The following DENND1A variants were observed in gnomAD, a reference collection of about 807,000 sequenced individuals.
DENND1A encodes DENN domain containing 1A, also known as DENN domain-containing protein 1A.
In DENND1A, 51 loss-of-function variants were observed where a neutral mutation model predicts 113.7. The observed-to-expected ratio is 0.45, with a 90% CI of 0.36 to 0.57. The LOEUF (loss-of-function observed/expected upper bound fraction) is 0.57, where lower values mean the gene tolerates loss of function less well. Among genes scored for constraint, DENND1A ranks in the 20% least tolerant of loss-of-function variants. The pLI, the probability that DENND1A is intolerant of heterozygous loss-of-function variation, is 0.00. For missense variants in DENND1A, 1,258 were observed against 1,395.9 expected, an observed-to-expected ratio of 0.90 and a Z score of 1.57; for synonymous variants, 565 against 570.8, an observed-to-expected ratio of 0.99 and a Z score of 0.14.
chr9:123,670,194 A>G (rs2063697764), intron 7 of DENND1A, among the ~76,000 whole-genome samples: 2 of 152,310 alleles, frequency 1.3e-5, no homozygotes, highest in South Asian at 4.2e-4. Flanking sequence ...AGGAATATCA[A>G]TTTTCTTTAG....
chr9:123,468,216 G>C (rs2049112167), intron 13 of DENND1A, among the ~76,000 whole-genome samples: 1 of 152,140 alleles, frequency 6.6e-6, no homozygotes, highest in Admixed American at 6.5e-5. Context: ...CCTCATTCTT[G>C]TCACATGTAA....
chr9:123,792,626 A>G lies in DENND1A; in HGVS notation c.93T>C (p.Pro31=). 1 of 1,613,092 alleles carries G rather than the reference A, an allele frequency of 6.2e-7. No homozygotes were observed. Residue 31 remains proline (P), a synonymous_variant, in exon 3 of 24, where the codon CCT becomes CCC. Coordinates refer to ENST00000394215, the MANE Select transcript of DENND1A (RefSeq NM_001352964.2). ...YPRTGGTLSD[P]EVQRQFPEDY... ...CCTCCGGGAATTGCCTCTGCACCTC[A>G]GGATCTGTAAATAATTGACAGATAA...
intron 8 of DENND1A, among the ~76,000 whole-genome samples, chr9:123,659,088 G>A (rs564539897): frequency 6.6e-6 from 1 of 152,284 alleles, no homozygotes; most frequent in South Asian, 2.1e-4. Context: ...ATAACAAACA[G>A]TGCCCGATCT....
At chr9:123,414,066 C>T (rs2044524233) in intron 19 of DENND1A, 3 of 992,946 alleles carry the variant, frequency 3.0e-6, no homozygotes, top group African/African-American at 3.5e-5. Flanking sequence ...TCCATTCCTG[C>T]TGGGTGGCAG....
At chr9:123,707,397 A>G (rs1177841138) in intron 5 of DENND1A, among the ~76,000 whole-genome samples, 1 of 143,296 alleles carries the variant, frequency 7.0e-6, no homozygotes, top group Non-Finnish European at 1.6e-5. Context: ...CTCCATCTCA[A>G]AAAGGAAAAA....
At chr9:123,821,677 T>C (rs1334958376) in intron 2 of DENND1A, among the ~76,000 whole-genome samples, 8 of 152,246 alleles carry the variant, frequency 5.3e-5, no homozygotes, top group Non-Finnish European at 2.9e-5. Context: ...TCTAACAGTT[T>C]CAAACAGACC....
chr9:123,382,722 G>A lies in DENND1A; in HGVS notation c.2020-97C>T, dbSNP rs531597394. On this transcript the variant is annotated intron_variant, in intron 23 of 23. Transcript: ENST00000394215. ...ACTTCTGTGTGCTGAATGTGTGCTG[G>A]GCCTAGTTGTGTGGCTGATCAGCTC... 107 of 1,325,778 alleles carry A rather than the reference G, an allele frequency of 8.1e-5. No individual in the cohort carries two copies. In the East Asian group the frequency reaches 2.6e-3, roughly 32 times the overall value. The allele number at this position is 1,325,778 out of a possible 1,614,324, so 82.1% of individuals were successfully genotyped here.
chr9:123,554,225 C>T (rs1010641237), intron 13 of DENND1A, among the ~76,000 whole-genome samples: 5 of 152,134 alleles, frequency 3.3e-5, no homozygotes, highest in African/African-American at 7.2e-5. Context: ...TAAACTAATC[C>T]GCTCAACATT....
chr9:123,434,752 A>G (rs1388492936), intron 19 of DENND1A, among the ~76,000 whole-genome samples: 1 of 152,188 alleles, frequency 6.6e-6, no homozygotes, highest in Non-Finnish European at 1.5e-5. Context: ...AAAGGGGCCA[A>G]GGAGGAAGAT....
chr9:123,896,916 T>C (rs1425904332), intron 1 of DENND1A, among the ~76,000 whole-genome samples: 1 of 152,202 alleles, frequency 6.6e-6, no homozygotes, highest in Admixed American at 6.5e-5. Context: ...GGATGAGACA[T>C]AGCCAACAGC....
intron 13 of DENND1A, among the ~76,000 whole-genome samples, chr9:123,497,661 C>G (rs927944139): frequency 2.0e-5 from 3 of 152,050 alleles, no homozygotes; most frequent in African/African-American, 7.2e-5. Flanking sequence ...TAAGTGACTT[C>G]AACACTCCTA....
chr9:123,851,023 A>G (rs1843265321), intron 2 of DENND1A, among the ~76,000 whole-genome samples: 2 of 152,184 alleles, frequency 1.3e-5, no homozygotes, highest in Non-Finnish European at 2.9e-5. Context: ...TTCAAGAGAC[A>G]CGTCTTCAAC....
In DENND1A at chr9:123,561,588, G is replaced by A. The variant is rs903687007; in HGVS notation, c.868-3893C>T. ...AACACAGAGTCATATATCTAAAGCT[G>A]AACTTGCCCTCAGTACCCCGAGGGG... On this transcript the variant is annotated intron_variant, in intron 12 of 23. Transcript: ENST00000394215. 2.6e-5 allele frequency among the ~76,000 whole-genome samples: 4 copies of A among 152,288 alleles called. No homozygotes were observed. The South Asian group carries it at 8.3e-4, about 32-fold the overall frequency.
intron 11 of DENND1A, among the ~76,000 whole-genome samples, chr9:123,594,320 C>T (rs2059593381): frequency 6.6e-6 from 1 of 152,136 alleles, no homozygotes. Flanking sequence ...CTCCCACAGC[C>T]CAACTCCTTA....
At chr9:123,420,517 C>T (rs1055089681) in intron 19 of DENND1A, among the ~76,000 whole-genome samples, 5 of 152,136 alleles carry the variant, frequency 3.3e-5, no homozygotes, top group African/African-American at 9.7e-5. Context: ...GGAGAGAGCG[C>T]GCTCAGGATT....
At chr9:123,849,657 T>C (rs1375499846) in intron 2 of DENND1A, among the ~76,000 whole-genome samples, 1 of 152,164 alleles carries the variant, frequency 6.6e-6, no homozygotes, top group Non-Finnish European at 1.5e-5. Context: ...GTCTAAGAAA[T>C]ACATAAGGCT....
At chr9:123,390,049 G>A (rs994520827) in intron 21 of DENND1A, among the ~76,000 whole-genome samples, 1 of 152,218 alleles carries the variant, frequency 6.6e-6, no homozygotes, top group African/African-American at 2.4e-5. Flanking sequence ...CTGCTCTGCC[G>A]TCTTGAAGAC....
At chr9:123,534,315 T>C (rs867131834) in intron 13 of DENND1A, among the ~76,000 whole-genome samples, 3 of 152,242 alleles carry the variant, frequency 2.0e-5, no homozygotes, top group Admixed American at 1.3e-4. Context: ...TTTTGCTTAC[T>C]GTTGGGCCTT....
intron 11 of DENND1A, among the ~76,000 whole-genome samples, chr9:123,592,240 G>A (rs1420517823): frequency 6.6e-6 from 1 of 152,164 alleles, no homozygotes; most frequent in Non-Finnish European, 1.5e-5. Context: ...TTAAACAGCT[G>A]ATTTTCAGAA....
Sources: gnomAD v4.1 joint callset for allele counts (sites outside exome capture counted in the v4.1 genomes callset) on GRCh38, gnomAD v4.1.1 for gene constraint, MANE v1.5 for transcripts, NCBI Gene and HGNC (gene_info 2026-07-23, HGNC 2026-07-21) for gene names.